The following C2CD3 variants were observed in gnomAD, a reference collection of about 807,000 sequenced individuals.
The protein encoded by C2CD3 is C2 domain containing 3 centriole elongation regulator, also known as C2 domain-containing protein 3.
C2CD3 carries 148 observed loss-of-function variants against 234.0 expected under a neutral mutation model. The observed-to-expected ratio is 0.63, with a 90% CI of 0.55 to 0.72. The LOEUF is 0.72. C2CD3 is among the 30% of genes least tolerant of loss of function. The probability of loss-of-function intolerance (pLI) is 0.00; values close to 1 mark genes in which losing one functional copy is unlikely to be tolerated. For missense variants in C2CD3, 2,577 were observed against 2,811.5 expected (o/e 0.92, Z 1.89); for synonymous variants, 1,000 against 1,035.4 (o/e 0.97, Z 0.66).
Position 74,116,993 on chromosome 11 carries a change from C to T in C2CD3, c.1520+1235G>A, listed in dbSNP as rs557762541. ...ATATACACGTATATATACACATATACGTGTATATGTATATATACACATATA... is the reference window on the plus strand; with the variant it reads ...ATATACACGTATATATACACATATATGTGTATATGTATATATACACATATA... On this transcript the variant is annotated intron_variant, in intron 9 of 32. Transcript: ENST00000334126. 6.4e-5 allele frequency among the ~76,000 whole-genome samples: 7 copies of T among 109,980 alleles called. 1 individual carries two copies. The highest frequency in any genetic ancestry group is 2.1e-4 in the African/African-American group (6 of 27,982). The allele number at this position is 109,980 out of a possible 152,430, so 72.2% of individuals were successfully genotyped here.
At chr11:74,039,123 C>T (rs1397091815) in intron 29 of C2CD3, among the ~76,000 whole-genome samples, 2 of 152,164 alleles carry the variant, frequency 1.3e-5, no homozygotes, top group Admixed American at 6.5e-5. Flanking sequence ...CATGGATAAA[C>T]ATCTGCAGGA....
At chr11:74,152,134 T>G (rs1190006578) in intron 3 of C2CD3, among the ~76,000 whole-genome samples, 1 of 152,166 alleles carries the variant, frequency 6.6e-6, no homozygotes, top group Non-Finnish European at 1.5e-5. Context: ...TTGAAAAGAT[T>G]AATAAAATTG....
intron 2 of C2CD3, among the ~76,000 whole-genome samples, chr11:74,163,525 T>C (rs1365108868): frequency 6.6e-6 from 1 of 152,220 alleles, no homozygotes. Context: ...CCTTATCCTG[T>C]TCTCATGATA....
intron 7 of C2CD3, among the ~76,000 whole-genome samples, chr11:74,128,024 G>C (rs1170589669): frequency 6.6e-6 from 1 of 152,062 alleles, no homozygotes; most frequent in Non-Finnish European, 1.5e-5. Flanking sequence ...TACCACACCT[G>C]GCTAATTTTT....
In C2CD3 at chr11:74,037,592, G is replaced by C. The variant is rs1372937736; in HGVS notation, c.5767C>G (p.Gln1923Glu). 6.2e-7 allele frequency: 1 copy of C among 1,613,940 alleles called. No homozygotes were observed. The highest frequency in any genetic ancestry group is 1.3e-5 in the African/African-American group (1 of 75,014). The change falls in exon 30 of 33, where the codon CAG becomes GAG. Residue 1923 changes from glutamine to glutamate, a missense_variant. Coordinates refer to ENST00000334126, the MANE Select transcript of C2CD3 (RefSeq NM_001286577.2). ...CCAAGATGGTCCCTACAGCTCTCCTGGTGCTGTGAGATGGCCGTTTGAGTC... is the reference window on the plus strand; with the variant it reads ...CCAAGATGGTCCCTACAGCTCTCCTCGTGCTGTGAGATGGCCGTTTGAGTC... ...PQTQTAISQHQESCRDHLGPG... is the reference protein window; with the variant it reads ...PQTQTAISQHEESCRDHLGPG...
chr11:74,092,335 G>A (rs561624758), intron 19 of C2CD3, 81 bp downstream of exon 19: 7 of 1,329,828 alleles, frequency 5.3e-6, no homozygotes, highest in Admixed American at 1.8e-5. Context: ...GATTAGAGGT[G>A]TGAACCACCG....
chr11:74,115,791 A>G (rs955272725), intron 9 of C2CD3, among the ~76,000 whole-genome samples: 10 of 152,214 alleles, frequency 6.6e-5, no homozygotes, highest in Non-Finnish European at 1.3e-4. Context: ...AGACCAATGG[A>G]ACAGAATAGA....
Position 74,053,882 on chromosome 11 carries a change from C to T in C2CD3, c.5155+725G>A, listed in dbSNP as rs536815295. On this transcript the variant is annotated intron_variant, in intron 26 of 32. Transcript: ENST00000334126. ...CCTGTAGTGTCAGCACTTTGGGAGG[C>T]TGAGGCAGGAGATTGCGGCAGGAGA... Among the ~76,000 whole-genome samples, 13 of 152,034 alleles carry T rather than the reference C, an allele frequency of 8.6e-5. No homozygotes were observed. In the South Asian group the frequency reaches 2.7e-3, roughly 32 times the overall value.
chr11:74,069,328 A>C (rs1255644811), intron 24 of C2CD3, among the ~76,000 whole-genome samples: 3 of 152,198 alleles, frequency 2.0e-5, no homozygotes, highest in Non-Finnish European at 2.9e-5. Flanking sequence ...AAAAAGGTCA[A>C]GTTCTGAAAT....
intron 12 of C2CD3, 92 bp from the exon 13 acceptor site, chr11:74,106,585 G>T: frequency 8.3e-7 from 1 of 1,202,164 alleles, no homozygotes. Context: ...GCTTATAAAG[G>T]AAACCATTCA....
At chr11:74,041,789 T>G (rs1441085934) in intron 29 of C2CD3, among the ~76,000 whole-genome samples, 1 of 152,130 alleles carries the variant, frequency 6.6e-6, no homozygotes, top group Non-Finnish European at 1.5e-5. Context: ...TAAGTTTTGG[T>G]GAACAATCTG....
Position 74,138,805 on chromosome 11 carries a change from C to A in C2CD3, c.870G>T (p.Gln290His), listed in dbSNP as rs765849235. The A allele has an allele frequency of 2.5e-6, 4 of 1,613,844 alleles. No homozygotes were observed. Among genetic ancestry groups the A allele is most frequent in the Non-Finnish European group, 3.4e-6 (4 of 1,179,740 alleles). ...TCTTGGCAACTGTTCTAATTTGAGGCTGGAATTCAGAACTGTTCAGAAGGG... is the reference window on the plus strand; with the variant it reads ...TCTTGGCAACTGTTCTAATTTGAGGATGGAATTCAGAACTGTTCAGAAGGG... The part of the protein sequence containing the change: ...QMSLLNSSEF[Q>H]PQIRTVAKSH... Residue 290 changes from glutamine (Q) to histidine (H), a missense_variant, in exon 5 of 33, where the codon CAG becomes CAT. Physicochemically the swap from Gln to His is conservative, Grantham distance 24 (BLOSUM62 0). Coordinates refer to ENST00000334126, the MANE Select transcript of C2CD3 (RefSeq NM_001286577.2).
intron 25 of C2CD3, among the ~76,000 whole-genome samples, chr11:74,055,941 T>C (rs538524497): frequency 1.1e-4 from 17 of 152,362 alleles, no homozygotes; most frequent in African/African-American, 3.6e-4. Context: ...GTTTTTAGGT[T>C]GTGAATGAAC....
At chr11:74,046,067 G>A (rs1195463832) in intron 28 of C2CD3, among the ~76,000 whole-genome samples, 3 of 152,076 alleles carry the variant, frequency 2.0e-5, no homozygotes, top group African/African-American at 7.2e-5. Context: ...AAGAACCACT[G>A]CTTTATTAAT....
At chr11:74,101,390 T>C (rs1049573600) in intron 14 of C2CD3, among the ~76,000 whole-genome samples, 1 of 151,940 alleles carries the variant, frequency 6.6e-6, no homozygotes, top group African/African-American at 2.4e-5. Context: ...TTGAAACCAA[T>C]AGAAAACATG....
rs564325071 is a variant in C2CD3 at position 74,036,582 on chromosome 11, G to A, written c.5881+896C>T. On this transcript the variant is annotated intron_variant, in intron 30 of 32. Transcript: ENST00000334126. ...GAAAATTGAACTTCTTCATCCCTGT[G>A]TAGAATCTACACATTTCGCTCAAGC... 2.7e-4 allele frequency: 123 copies of A among 450,792 alleles called. 1 individual carries two copies. Among genetic ancestry groups the A allele is most frequent in the Non-Finnish European group, 4.7e-4 (105 of 224,280 alleles). The allele number at this position is 450,792 out of a possible 1,614,324, so 27.9% of individuals were successfully genotyped here.
At chr11:74,036,522 G>A (rs2135415796) in intron 30 of C2CD3, 1 of 456,042 alleles carries the variant, frequency 2.2e-6, no homozygotes, top group African/African-American at 2.0e-5. Flanking sequence ...TGTACTTAGT[G>A]TTAATCAAGG....
chr11:74,034,403 T>C (rs1952639472), intron 30 of C2CD3, 125 bp from the exon 31 acceptor site: 1 of 1,498,900 alleles, frequency 6.7e-7, no homozygotes, highest in Admixed American at 2.2e-5. Flanking sequence ...TAAAGAAAAT[T>C]AGTCCACCCA....
At position 74,114,594 on chromosome 11, in the gene C2CD3, C is replaced by G. The variant is rs780151694; in HGVS notation, c.1521-1G>C. ...GAGCATCTGTTGTTCAACCAAATTTCTGAAAGGAGTTCACACAAGCAGTGA... is the reference window on the plus strand; with the variant it reads ...GAGCATCTGTTGTTCAACCAAATTTGTGAAAGGAGTTCACACAAGCAGTGA... On this transcript the variant is annotated splice_acceptor_variant, in intron 9 of 32. Transcript: ENST00000334126. LOFTEE classifies it high-confidence loss of function. 1 of 1,607,876 alleles carries G rather than the reference C, an allele frequency of 6.2e-7. No homozygotes were observed. The highest frequency in any genetic ancestry group is 1.1e-5 in the South Asian group (1 of 90,938).
Sources: allele counts gnomAD v4.1 joint callset (sites outside exome capture counted in the v4.1 genomes callset), GRCh38; gene constraint gnomAD v4.1.1; transcripts MANE v1.5; gene names NCBI Gene and HGNC (gene_info 2026-07-23, HGNC 2026-07-21).